C3orf70: variants seen among roughly 807,000 people sequenced by gnomAD.
C3orf70 encodes the protein chromosome 3 open reading frame 70.
In C3orf70, 15 loss-of-function variants were observed where a neutral mutation model predicts 20.7. The observed-to-expected ratio is 0.72, with a 90% CI of 0.48 to 1.11. The LOEUF (loss-of-function observed/expected upper bound fraction) is 1.11, where lower values mean the gene tolerates loss of function less well. Among genes scored for constraint, C3orf70 ranks in the 50% most tolerant of loss-of-function variants. The pLI, the probability that C3orf70 is intolerant of heterozygous loss-of-function variation, is 0.00. For missense variants in C3orf70, 332 were observed against 317.6 expected (o/e 1.05, Z -0.34); for synonymous variants, 161 against 125.7 (o/e 1.28, Z -1.88).
chr3:185,097,632 G>C (rs753699849), intron 1 of C3orf70, among the ~76,000 whole-genome samples: 16 of 152,204 alleles, frequency 1.1e-4, no homozygotes, highest in Non-Finnish European at 1.5e-4. Context: ...TTATGAATGA[G>C]AGCAGAGCAT....
At position 185,143,922 on chromosome 3, in the gene C3orf70, A is replaced by T. The variant is rs992695846; in HGVS notation, c.196+8706T>A. 1.3e-4 allele frequency among the ~76,000 whole-genome samples: 20 copies of T among 152,120 alleles called. 1 individual carries two copies. The highest frequency in any genetic ancestry group is 4.6e-4 in the African/African-American group (19 of 41,510). ...AGAGCTGTCCATTGCTTAACAATGG[A>T]GGAAAACAGGATGAAGCTGGGGAGT... On this transcript the variant is annotated intron_variant, in intron 1 of 1. Coordinates refer to ENST00000335012, the MANE Select transcript of C3orf70 (RefSeq NM_001025266.3).
chr3:185,083,187 C>T lies in C3orf70; in HGVS notation c.573G>A (p.Gly191=), dbSNP rs1715386382. 1.9e-6 allele frequency: 3 copies of T among 1,614,052 alleles called. No homozygotes were observed. In the South Asian group the frequency reaches 3.3e-5, roughly 18 times the overall value. The change falls in exon 2 of 2, where the codon GGG becomes GGA. Residue 191 remains glycine, a synonymous_variant. Coordinates refer to ENST00000335012, the MANE Select transcript of C3orf70 (RefSeq NM_001025266.3). ...CSSPSSSEDS[G]INAIGAHYVE... The stretch of plus-strand genomic sequence containing the variant: ...CATAGTGAGCCCCAATCGCATTGAT[C>T]CCAGAGTCCTCAGAACTTGAGGGAG...
At chr3:185,130,207 T>C (rs1716497967) in intron 1 of C3orf70, among the ~76,000 whole-genome samples, 1 of 152,182 alleles carries the variant, frequency 6.6e-6, no homozygotes, top group African/African-American at 2.4e-5. Context: ...TCCCAGCACT[T>C]TGGGAGGCCG....
chr3:185,080,768 C>T lies in C3orf70; in HGVS notation c.*2239G>A, dbSNP rs923906408. 2.0e-5 allele frequency: 3 copies of T among 152,082 alleles called. No individual in the cohort carries two copies. The highest frequency in any genetic ancestry group is 2.9e-5 in the Non-Finnish European group (2 of 68,028). The allele number at this position is 152,082 out of a possible 1,614,324, so 9.4% of individuals were successfully genotyped here. On this transcript the variant is annotated 3_prime_UTR_variant, in exon 2 of 2. Coordinates refer to ENST00000335012, the MANE Select transcript of C3orf70 (RefSeq NM_001025266.3). ...TGTCCCTGTGCCACCTGAGCCATGC[C>T]CTGGCAGGGGGAAGCTCCTCATGCT...
intron 1 of C3orf70, among the ~76,000 whole-genome samples, chr3:185,148,702 T>C (rs1160462746): frequency 3.3e-5 from 5 of 152,236 alleles, no homozygotes; most frequent in Non-Finnish European, 7.3e-5. Flanking sequence ...AAAATTAAGT[T>C]ACACATTCAG....
At chr3:185,150,805 T>C (rs1274134171) in intron 1 of C3orf70, among the ~76,000 whole-genome samples, 1 of 152,288 alleles carries the variant, frequency 6.6e-6, no homozygotes, top group African/African-American at 2.4e-5. Context: ...ACAACCAAGA[T>C]GCTTAGGAGC....
At chr3:185,143,807 G>T (rs1185496629) in intron 1 of C3orf70, among the ~76,000 whole-genome samples, 1 of 152,100 alleles carries the variant, frequency 6.6e-6, no homozygotes, top group Non-Finnish European at 1.5e-5. Context: ...AACATAGGAT[G>T]AGCTCTATAA....
At chr3:185,144,986 T>C (rs1409337200) in intron 1 of C3orf70, among the ~76,000 whole-genome samples, 1 of 152,322 alleles carries the variant, frequency 6.6e-6, no homozygotes, top group Non-Finnish European at 1.5e-5. Flanking sequence ...AAAGTCACCC[T>C]GCAAACAATA....
In C3orf70 at chr3:185,097,230, A is replaced by G. The variant is rs148142897; in HGVS notation, c.197-13667T>C. On this transcript the variant is annotated intron_variant, in intron 1 of 1. Transcript: ENST00000335012. ...GTTTATATATTTGGAACCTATACTA[A>G]TAAGATAATAAATGTCATATATTAA... 6.9e-4 allele frequency among the ~76,000 whole-genome samples: 105 copies of G among 152,328 alleles called. 1 individual carries two copies. In the East Asian group the frequency reaches 0.018, roughly 27 times the overall value.
At chr3:185,102,150 G>A (rs919831917) in intron 1 of C3orf70, among the ~76,000 whole-genome samples, 6 of 152,116 alleles carry the variant, frequency 3.9e-5, no homozygotes, top group Admixed American at 2.0e-4. Context: ...CAGACAACAC[G>A]ATCCTATATC....
At chr3:185,137,208 A>G (rs1447889159) in intron 1 of C3orf70, among the ~76,000 whole-genome samples, 1 of 152,232 alleles carries the variant, frequency 6.6e-6, no homozygotes, top group Non-Finnish European at 1.5e-5. Flanking sequence ...GTCCACCGCC[A>G]TCCACGTAAG....
At position 185,083,349 on chromosome 3, in the gene C3orf70, T is replaced by C. The variant is rs748935449; in HGVS notation, c.411A>G (p.Lys137=). Residue 137 remains lysine, a synonymous_variant, in exon 2 of 2, where the codon AAA becomes AAG. Transcript: ENST00000335012. ...SDLFIDNYQV[K]CINGKMCYVQ... is the part of the protein sequence containing the mutation. ...CATAACACATCTTCCCATTAATACA[T>C]TTAACCTGATAGTTGTCAATAAAAA... The C allele has an allele frequency of 2.5e-6, 4 of 1,614,170 alleles. No individual in the cohort carries two copies. The South Asian group carries it at 3.3e-5, about 13-fold the overall frequency.
chr3:185,091,111 G>T (rs79619055), intron 1 of C3orf70, among the ~76,000 whole-genome samples: 3,174 of 152,162 alleles, frequency 0.021, 114 homozygotes, highest in African/African-American at 0.072. Flanking sequence ...GCTTCTATAG[G>T]AGCTTTCAGA....
At chr3:185,117,458 G>A (rs565520200) in intron 1 of C3orf70, among the ~76,000 whole-genome samples, 6,988 of 149,572 alleles carry the variant, frequency 0.047, 521 homozygotes, top group African/African-American at 0.16. Flanking sequence ...CACAGAAAGA[G>A]AGAGAGAGAG....
chr3:185,107,505 G>A (rs547174785), intron 1 of C3orf70, among the ~76,000 whole-genome samples: 2 of 152,158 alleles, frequency 1.3e-5, no homozygotes, highest in Non-Finnish European at 2.9e-5. Context: ...ACAAAGATTA[G>A]GAAATAATTT....
rs1715205140 is a variant in C3orf70, at chr3:185,076,963, G to A, written c.*6044C>T. 6.6e-6 allele frequency among the ~76,000 whole-genome samples: 1 copy of A among 152,232 alleles called. No homozygotes were observed. The highest frequency in any genetic ancestry group is 2.4e-5 in the African/African-American group (1 of 41,458). ...AGGTAGAGAGTTAAAACAGTAGAGT[G>A]CACACGCAGATGAGATGCGCTGTCT... is the stretch of plus-strand genomic sequence containing the variant. On this transcript the variant is annotated 3_prime_UTR_variant, in exon 2 of 2. Transcript: ENST00000335012.
Position 185,082,822 on chromosome 3 carries a change from TAAA to T in C3orf70, c.*182_*184del. Reference sequence around the variant, plus strand: ...GGATACAAAAGAAAACTGTTTATAATAAAAAGAATGTCTTAGTTGTAAGACGGA... The same window carrying T: ...GGATACAAAAGAAAACTGTTTATAATAAGAATGTCTTAGTTGTAAGACGGA... On this transcript the variant is annotated 3_prime_UTR_variant, in exon 2 of 2. Transcript: ENST00000335012. 1 of 604,192 alleles carries T rather than the reference TAAA, an allele frequency of 1.7e-6. No individual in the cohort carries two copies. Among genetic ancestry groups the T allele is most frequent in the Non-Finnish European group, 2.9e-6 (1 of 345,348 alleles). 37.4% of individuals were successfully genotyped at this position (604,192 alleles called of 1,614,324 possible).
rs1027624847 is a variant in C3orf70, at chr3:185,140,800, A to G, written c.196+11828T>C. Among the ~76,000 whole-genome samples the G allele has an allele frequency of 8.6e-5, 13 of 150,880 alleles. No individual in the cohort carries two copies. In the South Asian group the frequency reaches 2.1e-3, roughly 24 times the overall value. Reference sequence around the variant, plus strand: ...CCCGTCTCTACTAAAAAAAAAAAAAAAAAAGAAAAATACAAAAATTAGCCA... The same window carrying G: ...CCCGTCTCTACTAAAAAAAAAAAAAGAAAAGAAAAATACAAAAATTAGCCA... On this transcript the variant is annotated intron_variant, in intron 1 of 1. Transcript: ENST00000335012.
chr3:185,104,252 GACA>G (rs1715880270), intron 1 of C3orf70, among the ~76,000 whole-genome samples: 1 of 152,186 alleles, frequency 6.6e-6, no homozygotes, highest in African/African-American at 2.4e-5. Flanking sequence ...AACACCTTAA[GACA>G]ACAAGACCAG....
Sources: allele counts gnomAD v4.1 joint callset (sites outside exome capture counted in the v4.1 genomes callset), GRCh38; gene constraint gnomAD v4.1.1; transcripts MANE v1.5; gene names NCBI Gene and HGNC (gene_info 2026-07-23, HGNC 2026-07-21).